BACE2: variants seen among roughly 807,000 people sequenced by gnomAD.
BACE2 encodes 56 kDa aspartic-like protease.
Under a neutral mutation model 46.2 loss-of-function variants are expected in BACE2, and 17 were observed. The observed-to-expected ratio is 0.37, with a 90% CI of 0.25 to 0.55. The LOEUF (loss-of-function observed/expected upper bound fraction) is 0.55, where lower values mean the gene tolerates loss of function less well. BACE2 is among the 20% of genes least tolerant of loss of function. The pLI, the probability that BACE2 is intolerant of heterozygous loss-of-function variation, is 0.82. For missense variants in BACE2, 595 were observed against 698.1 expected (o/e 0.85, Z 1.66); for synonymous variants, 277 against 295.9 (o/e 0.94, Z 0.66).
intron 8 of BACE2, among the ~76,000 whole-genome samples, chr21:41,269,517 C>T (rs1359635542): frequency 6.6e-6 from 1 of 152,164 alleles, no homozygotes; most frequent in Admixed American, 6.5e-5. Flanking sequence ...CATGCCATTC[C>T]CAGGAAACCA....
At chr21:41,236,715 T>C (rs1601294977) in intron 2 of BACE2, 2 of 152,332 alleles carry the variant, frequency 1.3e-5, no homozygotes, top group African/African-American at 4.8e-5. Flanking sequence ...GAACCTGAAC[T>C]CCAGCTGCTG....
chr21:41,245,831 A>G (rs1987449297), intron 5 of BACE2, 131 bp from the exon 6 acceptor site: 5 of 624,172 alleles, frequency 8.0e-6, no homozygotes, highest in East Asian at 2.9e-5. Context: ...AATGAACTAC[A>G]CAGTCCATGA....
chr21:41,262,996 C>T (rs1987978448), intron 8 of BACE2, among the ~76,000 whole-genome samples: 1 of 151,726 alleles, frequency 6.6e-6, no homozygotes, highest in Non-Finnish European at 1.5e-5. Context: ...TTTGTGATGC[C>T]CTCTGAGACA....
At chr21:41,198,296 A>C (rs1281700794) in intron 1 of BACE2, among the ~76,000 whole-genome samples, 1 of 152,116 alleles carries the variant, frequency 6.6e-6, no homozygotes, top group Non-Finnish European at 1.5e-5. Context: ...CAGCCCCCAA[A>C]ATATATATTT....
chr21:41,208,338 G>A (rs2013728), intron 1 of BACE2, among the ~76,000 whole-genome samples: 51,089 of 152,172 alleles, frequency 0.34, 8,975 homozygotes, highest in Middle Eastern at 0.5. Context: ...AACAGTATTT[G>A]AAGCCCCTGT....
intron 4 of BACE2, among the ~76,000 whole-genome samples, chr21:41,243,000 C>T (rs1007594475): frequency 3.9e-5 from 6 of 152,020 alleles, no homozygotes; most frequent in Non-Finnish European, 5.9e-5. Flanking sequence ...CTGCAGCCTC[C>T]GCCTCCCTGT....
chr21:41,228,346 A>G (rs556828291), intron 2 of BACE2, among the ~76,000 whole-genome samples: 1 of 152,236 alleles, frequency 6.6e-6, no homozygotes, highest in East Asian at 1.9e-4. Context: ...GCTGACTTAC[A>G]CTCACACACC....
chr21:41,192,791 C>A (rs1985618408), intron 1 of BACE2, among the ~76,000 whole-genome samples: 1 of 152,240 alleles, frequency 6.6e-6, no homozygotes, highest in African/African-American at 2.4e-5. Flanking sequence ...CCTTTCGGCT[C>A]ACTCGATAAA....
At chr21:41,215,314 C>T (rs1331861657) in intron 1 of BACE2, among the ~76,000 whole-genome samples, 8 of 152,156 alleles carry the variant, frequency 5.3e-5, no homozygotes. Flanking sequence ...GTTCCACCTC[C>T]TTAGGTCTCT....
chr21:41,172,749 C>T (rs747359008), intron 1 of BACE2, among the ~76,000 whole-genome samples: 6 of 152,230 alleles, frequency 3.9e-5, no homozygotes, highest in Non-Finnish European at 8.8e-5. Context: ...TGTAACCTCC[C>T]TCATCTTCCC....
chr21:41,267,290 G>A (rs1214771179), intron 8 of BACE2, among the ~76,000 whole-genome samples: 3 of 152,100 alleles, frequency 2.0e-5, no homozygotes, highest in Non-Finnish European at 4.4e-5. Context: ...GTTATGGCTC[G>A]GGCCAGCGTC....
chr21:41,240,845 A>G (rs775776951), intron 3 of BACE2, among the ~76,000 whole-genome samples: 65 of 152,224 alleles, frequency 4.3e-4, no homozygotes, highest in Non-Finnish European at 7.6e-4. Context: ...TATCTATTCC[A>G]TGGTGGAGTT....
intron 3 of BACE2, among the ~76,000 whole-genome samples, chr21:41,241,420 G>A (rs1987282290): frequency 6.6e-6 from 1 of 152,104 alleles, no homozygotes; most frequent in Non-Finnish European, 1.5e-5. Flanking sequence ...AAACAAAGAT[G>A]TCTGCGGCCA....
At position 41,275,677 on chromosome 21, in the gene BACE2, A is replaced by C. The variant is rs2088480423; in HGVS notation, c.*53A>C. On this transcript the variant is annotated 3_prime_UTR_variant, in exon 9 of 9. Coordinates refer to ENST00000330333, the MANE Select transcript of BACE2 (RefSeq NM_012105.5). ...TGAACTCAGCTATTAAGAAAATCAC[A>C]TTTCCAGGGCAGCAGCCGGGATCGA... is the stretch of plus-strand genomic sequence containing the variant. The C allele has an allele frequency of 6.3e-7, 1 of 1,594,116 alleles. No individual in the cohort carries two copies. The highest frequency in any genetic ancestry group is 1.3e-5 in the African/African-American group (1 of 74,468).
intron 8 of BACE2, among the ~76,000 whole-genome samples, chr21:41,266,898 C>T (rs1375342973): frequency 6.6e-6 from 1 of 152,096 alleles, no homozygotes; most frequent in African/African-American, 2.4e-5. Context: ...ACACCAGTCA[C>T]TGTTTGAGGA....
chr21:41,239,139 C>A lies in BACE2; in HGVS notation c.618+1410C>A, dbSNP rs1987218162. 2.6e-5 allele frequency among the ~76,000 whole-genome samples: 4 copies of A among 151,722 alleles called. No individual in the cohort carries two copies. In the South Asian group the frequency reaches 8.3e-4, roughly 32 times the overall value. On this transcript the variant is annotated intron_variant, in intron 3 of 8. Coordinates refer to ENST00000330333, the MANE Select transcript of BACE2 (RefSeq NM_012105.5). The stretch of plus-strand genomic sequence containing the variant: ...CCCACTGTCCCATGAGGATAATCTT[C>A]CCATCGTGGAAGAACATTTGTTCCA...
At position 41,168,477 on chromosome 21, in the gene BACE2, G is replaced by A. The variant is rs768756968; in HGVS notation, c.214G>A (p.Ala72Thr). The A allele has an allele frequency of 5.3e-6, 7 of 1,318,330 alleles. No homozygotes were observed. In the East Asian group the frequency reaches 1.3e-4, roughly 25 times the overall value. The allele number at this position is 1,318,330 out of a possible 1,614,324, so 81.7% of individuals were successfully genotyped here. A position where few individuals can be genotyped will look rare whatever the true frequency, so the allele number is the denominator to read the frequency against. ...LALEPALASP[A>T]GAANFLAMVD... ...CCTGGAGCCTGCCCTGGCGTCCCCC[G>A]CGGGCGCCGCCAACTTCTTGGCCAT... The change falls in exon 1 of 9, where the codon GCG becomes ACG. Residue 72 changes from alanine (A) to threonine (T), a missense_variant. Ala to Thr is a moderately conservative substitution (Grantham distance 58, BLOSUM62 0). This residue lies in a region of BACE2 where 248 missense variants were observed against 261.4 expected (regional missense o/e 0.95). Coordinates refer to ENST00000330333, the MANE Select transcript of BACE2 (RefSeq NM_012105.5).
intron 4 of BACE2, 57 bp from the exon 5 acceptor site, chr21:41,243,319 C>T: frequency 6.9e-7 from 1 of 1,439,098 alleles, no homozygotes; most frequent in Admixed American, 2.3e-5. Flanking sequence ...CTCTGTGTAA[C>T]CTGTTGATAT....
chr21:41,275,225 C>T (rs2088472678), intron 8 of BACE2, 146 bp from the exon 9 acceptor site: 6 of 1,112,458 alleles, frequency 5.4e-6, no homozygotes, highest in Admixed American at 2.1e-5. Context: ...CGTGACCCCA[C>T]TCAGTGCTTC....
Sources: allele counts gnomAD v4.1 joint callset (sites outside exome capture counted in the v4.1 genomes callset), GRCh38; gene constraint gnomAD v4.1.1; regional missense constraint gnomAD v4.1.1; transcripts MANE v1.5; gene names NCBI Gene and HGNC (gene_info 2026-07-23, HGNC 2026-07-21).